Variants in ALKBH5 observed in about 807,000 individuals in gnomAD.
ALKBH5 encodes RNA demethylase ALKBH5.
ALKBH5 carries 2 observed loss-of-function variants against 32.1 expected under a neutral mutation model. That is an observed-to-expected ratio of 0.06 (90% confidence interval 0.03 to 0.20). ALKBH5 has a LOEUF of 0.20. Among genes scored for constraint, ALKBH5 ranks in the 10% least tolerant of loss-of-function variants. The pLI, the probability that ALKBH5 is intolerant of heterozygous loss-of-function variation, is 1.00. For missense variants in ALKBH5, 352 were observed against 559.5 expected (o/e 0.63, Z 3.74); for synonymous variants, 300 against 231.7 (o/e 1.29, Z -2.68).
intron 2 of ALKBH5, among the ~76,000 whole-genome samples, chr17:18,199,198 C>A (rs1424956697): frequency 2.0e-5 from 3 of 152,204 alleles, no homozygotes; most frequent in Non-Finnish European, 4.4e-5. Context: ...TTTGAGGTGC[C>A]TCAGCACCCC....
intron 1 of ALKBH5, among the ~76,000 whole-genome samples, chr17:18,193,755 A>G (rs1419900693): frequency 6.6e-6 from 1 of 152,130 alleles, no homozygotes; most frequent in Non-Finnish European, 1.5e-5. Context: ...AGTGTTTTTA[A>G]TAGTTAAGTT....
At chr17:18,185,462 A>G (rs1567673197) in intron 1 of ALKBH5, among the ~76,000 whole-genome samples, 1 of 152,200 alleles carries the variant, frequency 6.6e-6, no homozygotes, top group African/African-American at 2.4e-5. Context: ...CTTAACAGAG[A>G]AAGTAGTCAC....
Position 18,209,907 on chromosome 17 carries a change from C to T in ALKBH5, c.*1511C>T, listed in dbSNP as rs538136771. ...GTAGTTGTGTGTGCAGCACTTCGCC[C>T]TGATATGTGTGCTCTACAATAAAAA... On this transcript the variant is annotated 3_prime_UTR_variant, in exon 4 of 4. Coordinates refer to ENST00000399138, the MANE Select transcript of ALKBH5 (RefSeq NM_017758.4). 2 of 152,740 alleles carry T rather than the reference C, an allele frequency of 1.3e-5. No homozygotes were observed. Among genetic ancestry groups the T allele is most frequent in the South Asian group, 4.1e-4 (2 of 4,824 alleles). 9.5% of individuals were successfully genotyped at this position (152,740 alleles called of 1,614,324 possible).
chr17:18,208,301 T>C lies in ALKBH5; in HGVS notation c.1090T>C (p.Ser364Pro). 1 of 1,614,058 alleles carries C rather than the reference T, an allele frequency of 6.2e-7. No individual in the cohort carries two copies. The highest frequency in any genetic ancestry group is 1.3e-5 in the African/African-American group (1 of 75,008). Reference protein sequence around the residue: ...PTHRRRGSFSSENYWRKSYES... With the variant: ...PTHRRRGSFSPENYWRKSYES... ...ACACCGGCGGAGGGGTAGCTTCAGC[T>C]CTGAGAACTACTGGCGCAAGTCATA... is the stretch of plus-strand genomic sequence containing the variant. The change falls in exon 4 of 4, where the codon TCT becomes CCT. Residue 364 changes from serine (S) to proline (P), a missense_variant. Ser to Pro is a moderately conservative substitution (Grantham distance 74). Around this residue, in one of 4 missense-constraint regions of ALKBH5, gnomAD observed 124 missense variants for 142.4 expected, o/e 0.87. Coordinates refer to ENST00000399138, the MANE Select transcript of ALKBH5 (RefSeq NM_017758.4).
intron 2 of ALKBH5, among the ~76,000 whole-genome samples, chr17:18,201,794 A>AAGATAGAT (rs57735712): frequency 0.014 from 1,885 of 134,392 alleles, 23 homozygotes; most frequent in East Asian, 0.028. Context: ...TAGGATAGAT[A>AAGATAGAT]AGATAGATAG....
Position 18,184,256 on chromosome 17 carries a change from A to T in ALKBH5, c.13A>T (p.Ser5Cys), listed in dbSNP as rs1171937599. 1.3e-6 allele frequency: 2 copies of T among 1,516,928 alleles called. No individual in the cohort carries two copies. The highest frequency in any genetic ancestry group is 1.8e-6 in the Non-Finnish European group (2 of 1,137,216). 94.0% of individuals were successfully genotyped at this position (1,516,928 alleles called of 1,614,324 possible). Residue 5 changes from serine to cysteine, a missense_variant, in exon 1 of 4, where the codon AGC becomes TGC. Coordinates refer to ENST00000399138, the MANE Select transcript of ALKBH5 (RefSeq NM_017758.4). MAAA[S>C]GYTDLREKLK... The stretch of plus-strand genomic sequence containing the variant: ...CGTCGTGGGGGCCATGGCGGCCGCC[A>T]GCGGCTACACGGACCTGCGTGAGAA...
intron 1 of ALKBH5, among the ~76,000 whole-genome samples, chr17:18,193,050 G>T (rs965998262): frequency 4.1e-4 from 62 of 151,744 alleles, no homozygotes; most frequent in Admixed American, 1.6e-3. Flanking sequence ...TAGAGACGGG[G>T]TTTCACCATG....
Position 18,184,340 on chromosome 17 carries a change from G to T in ALKBH5, c.97G>T (p.Ala33Ser). The T allele has an allele frequency of 6.6e-7, 1 of 1,511,024 alleles. No homozygotes were observed. The highest frequency in any genetic ancestry group is 8.8e-7 in the Non-Finnish European group (1 of 1,133,702). The allele number at this position is 1,511,024 out of a possible 1,614,324, so 93.6% of individuals were successfully genotyped here. ...GGCGGGCAGCCGGGAGGCCGCCGCC[G>T]CTGCCGCAGCCGCCGTAGCCGCCGC... is the stretch of plus-strand genomic sequence containing the variant. Reference protein sequence around the residue: ...YKAGSREAAAAAAAAVAAAAA... With the variant: ...YKAGSREAAASAAAAVAAAAA... The change falls in exon 1 of 4, where the codon GCT (alanine) becomes TCT (serine). Residue 33 changes from alanine (A) to serine (S), a missense_variant. Ala to Ser is a moderately conservative substitution (Grantham distance 99). Transcript: ENST00000399138.
In ALKBH5 at chr17:18,184,426, G is replaced by A; in HGVS notation, c.183G>A (p.Gln61=). The change falls in exon 1 of 4, where the codon CAG becomes CAA. Residue 61 remains glutamine (Q), a synonymous_variant. Transcript: ENST00000399138. ...YPVSGAKRKY[Q]EDSDPERSDY... The stretch of plus-strand genomic sequence containing the variant: ...TGTCCGGGGCCAAGCGCAAGTATCA[G>A]GAGGACTCGGACCCCGAGCGCAGCG... The A allele has an allele frequency of 3.1e-6, 5 of 1,592,576 alleles. No individual in the cohort carries two copies. The highest frequency in any genetic ancestry group is 4.3e-6 in the Non-Finnish European group (5 of 1,170,202).
rs745633033 is a variant in ALKBH5, at chr17:18,184,604, G to A, written c.361G>A (p.Glu121Lys). 3 of 1,613,306 alleles carry A rather than the reference G, an allele frequency of 1.9e-6. No homozygotes were observed. The highest frequency in any genetic ancestry group is 2.5e-6 in the Non-Finnish European group (3 of 1,180,030). The stretch of plus-strand genomic sequence containing the variant: ...CCGCGCTGAGAAGGGCCTGTACAAC[G>A]AGCACACGGTGGACCGGGCCCCACT... ...VSRAEKGLYN[E>K]HTVDRAPLRN... The change falls in exon 1 of 4, where the codon GAG becomes AAG. Residue 121 changes from glutamate to lysine, a missense_variant. Physicochemically the swap from Glu to Lys is moderately conservative, Grantham distance 56. This residue lies in a region of ALKBH5 where 28 missense variants were observed against 53.1 expected (regional missense o/e 0.53). Coordinates refer to ENST00000399138, the MANE Select transcript of ALKBH5 (RefSeq NM_017758.4).
rs34344104 is a variant in ALKBH5 at position 18,189,808 on chromosome 17, A to G, written c.770+4795A>G. On this transcript the variant is annotated intron_variant, in intron 1 of 3. Transcript: ENST00000399138. The stretch of plus-strand genomic sequence containing the variant: ...CTTGAAATTTAGCTAAAAGTGTCTC[A>G]GGAGATGGGCTACCTTCTGTGTTTA... Among the ~76,000 whole-genome samples, 392 of 152,356 alleles carry G rather than the reference A, an allele frequency of 2.6e-3. 7 individuals are homozygous for G. The highest frequency in any genetic ancestry group is 3.4e-3 in the Non-Finnish European group (230 of 68,042).
rs979228233 is a variant in ALKBH5, at chr17:18,193,486, G to A, written c.771-1469G>A. On this transcript the variant is annotated intron_variant, in intron 1 of 3. Transcript: ENST00000399138. ...CGCTTGAACCCGGTAGGCAGAGGTT[G>A]CAGTGAGCCGAGATTGTGCCACTGC... Among the ~76,000 whole-genome samples, 4 of 151,988 alleles carry A rather than the reference G, an allele frequency of 2.6e-5. 1 individual carries two copies. Among genetic ancestry groups the A allele is most frequent in the Middle Eastern group, 6.8e-3 (2 of 294 alleles).
chr17:18,184,206 C>G lies in ALKBH5; in HGVS notation c.-38C>G, dbSNP rs2047120551. ...CTTAGAGCCATGCCCGGCTGCCCCGCCCGCCCCGGAGGACCCTAGAGCAGC... is the reference window on the plus strand; with the variant it reads ...CTTAGAGCCATGCCCGGCTGCCCCGGCCGCCCCGGAGGACCCTAGAGCAGC... On this transcript the variant is annotated 5_prime_UTR_variant, in exon 1 of 4. Coordinates refer to ENST00000399138, the MANE Select transcript of ALKBH5 (RefSeq NM_017758.4). The G allele has an allele frequency of 6.8e-7, 1 of 1,461,368 alleles. No individual in the cohort carries two copies. Among genetic ancestry groups the G allele is most frequent in the Non-Finnish European group, 9.0e-7 (1 of 1,113,264 alleles). The allele number at this position is 1,461,368 out of a possible 1,614,324, so 90.5% of individuals were successfully genotyped here.
At chr17:18,196,511 A>G (rs553977549) in intron 2 of ALKBH5, among the ~76,000 whole-genome samples, 1 of 152,284 alleles carries the variant, frequency 6.6e-6, no homozygotes, top group South Asian at 2.1e-4. Flanking sequence ...GTGAGCCACC[A>G]TGCCCAGCCT....
intron 2 of ALKBH5, among the ~76,000 whole-genome samples, chr17:18,196,292 G>A (rs1455610347): frequency 1.3e-5 from 2 of 150,764 alleles, no homozygotes; most frequent in African/African-American, 2.4e-5. Context: ...GCACCATCTC[G>A]GCTCACTGCA....
chr17:18,201,146 C>T (rs1210622000), intron 2 of ALKBH5, among the ~76,000 whole-genome samples: 3 of 152,204 alleles, frequency 2.0e-5, no homozygotes, highest in Admixed American at 2.0e-4. Flanking sequence ...TGAGGGGTGG[C>T]TAGCTCTTAG....
chr17:18,204,705 G>A (rs574528759), intron 2 of ALKBH5, among the ~76,000 whole-genome samples: 42 of 152,048 alleles, frequency 2.8e-4, no homozygotes, highest in South Asian at 2.7e-3. Flanking sequence ...CCAAGATCCC[G>A]CCACTGCACT....
intron 3 of ALKBH5, 49 bp from the exon 4 acceptor site, chr17:18,208,170 C>A (rs776623533): frequency 3.2e-6 from 5 of 1,552,200 alleles, no homozygotes; most frequent in South Asian, 2.4e-5. Context: ...TAAAGCCAGG[C>A]GCCTCCTGCC....
intron 1 of ALKBH5, among the ~76,000 whole-genome samples, chr17:18,193,592 A>G (rs1355082796): frequency 2.0e-5 from 3 of 152,144 alleles, no homozygotes; most frequent in Non-Finnish European, 4.4e-5. Context: ...TATCCCCAGC[A>G]TGAGCTCAAA....
Sources: allele counts gnomAD v4.1 joint callset (sites outside exome capture counted in the v4.1 genomes callset), GRCh38; gene constraint gnomAD v4.1.1; regional missense constraint gnomAD v4.1.1; transcripts MANE v1.5; gene names NCBI Gene and HGNC (gene_info 2026-07-23, HGNC 2026-07-21).